VPS39: variants seen among roughly 807,000 people sequenced by gnomAD.
VPS39 encodes the protein VPS39 subunit of HOPS complex.
Under a neutral mutation model 121.0 loss-of-function variants are expected in VPS39, and 70 were observed. That is an observed-to-expected ratio of 0.58 (90% CI 0.48 to 0.71). VPS39 has a LOEUF of 0.71. Among genes scored for constraint, VPS39 ranks in the 30% least tolerant of loss-of-function variants. The probability of loss-of-function intolerance (pLI) is 0.00; values close to 1 mark genes in which losing one functional copy is unlikely to be tolerated. For synonymous variants in VPS39, 378 were observed against 398.1 expected, an observed-to-expected ratio of 0.95 and a Z score of 0.60; for missense variants, 818 against 1,051.5, an observed-to-expected ratio of 0.78 and a Z score of 3.07.
In VPS39 at chr15:42,184,849, G is replaced by A. The variant is rs563559091; in HGVS notation, c.535-149C>T. ...TGTTACAGAGTTTATTATAATAACC[G>A]TTGTTATCACAATGTAAAACCCGTT... On this transcript the variant is annotated intron_variant, in intron 7 of 24. Coordinates refer to ENST00000318006, the MANE Select transcript of VPS39 (RefSeq NM_015289.5). 144 of 796,644 alleles carry A rather than the reference G, an allele frequency of 1.8e-4. No homozygotes were observed. The African/African-American group carries it at 1.9e-3, about 11-fold the overall frequency. The allele number at this position is 796,644 out of a possible 1,614,324, so 49.3% of individuals were successfully genotyped here.
intron 1 of VPS39, among the ~76,000 whole-genome samples, chr15:42,204,635 G>T (rs1008424046): frequency 6.6e-6 from 1 of 152,034 alleles, no homozygotes; most frequent in Non-Finnish European, 1.5e-5. Context: ...GGGCGACAGA[G>T]CGAGACTCAG....
At position 42,162,020 on chromosome 15, in the gene VPS39, G is replaced by C. The variant is rs1454052247; in HGVS notation, c.2460+12C>G. ...AAAAGCCCACCCTAGAGTTTGGAAG[G>C]CCCATACCTACCCTCAGGAATTCTG... is the stretch of plus-strand genomic sequence containing the variant. On this transcript the variant is annotated intron_variant, in intron 23 of 24. Coordinates refer to ENST00000318006, the MANE Select transcript of VPS39 (RefSeq NM_015289.5). 62 of 1,613,998 alleles carry C rather than the reference G, an allele frequency of 3.8e-5. No homozygotes were observed. The East Asian group carries it at 1.4e-3, about 36-fold the overall frequency.
intron 8 of VPS39, among the ~76,000 whole-genome samples, chr15:42,182,433 G>A (rs2049599268): frequency 6.6e-6 from 1 of 152,160 alleles, no homozygotes; most frequent in Admixed American, 6.5e-5. Flanking sequence ...AGATGGTCTG[G>A]ATCTCTTTAT....
chr15:42,198,500 G>A (rs1285092953), intron 2 of VPS39, among the ~76,000 whole-genome samples: 1 of 152,120 alleles, frequency 6.6e-6, no homozygotes, highest in African/African-American at 2.4e-5. Context: ...ATAAGCACGT[G>A]CCACCACATC....
At position 42,187,155 on chromosome 15, in the gene VPS39, C is replaced by T; in HGVS notation, c.534+116G>A. 2.8e-6 allele frequency: 2 copies of T among 722,728 alleles called. 1 individual carries two copies. The highest frequency in any genetic ancestry group is 4.1e-5 in the South Asian group (2 of 48,478). The allele number at this position is 722,728 out of a possible 1,614,324, so 44.8% of individuals were successfully genotyped here. The stretch of plus-strand genomic sequence containing the variant: ...GAATGATAACTACACATACAAATAA[C>T]AAATCCTGTTATGCCAAAAGCTCTA... On this transcript the variant is annotated intron_variant, in intron 7 of 24. Coordinates refer to ENST00000318006, the MANE Select transcript of VPS39 (RefSeq NM_015289.5).
intron 22 of VPS39, 44 bp downstream of exon 22, chr15:42,162,288 G>C (rs770323301): frequency 2.5e-6 from 4 of 1,597,042 alleles, no homozygotes; most frequent in Non-Finnish European, 3.4e-6. Flanking sequence ...CTCATTCGGT[G>C]CTCCCTGCAA....
At chr15:42,175,170 T>G (rs988599219) in intron 10 of VPS39, among the ~76,000 whole-genome samples, 4 of 151,844 alleles carry the variant, frequency 2.6e-5, no homozygotes, top group Admixed American at 6.6e-5. Context: ...TCCCAGAACT[T>G]TGGGAGGCTG....
At chr15:42,163,179 A>C (rs1305863756) in intron 21 of VPS39, among the ~76,000 whole-genome samples, 171 bp downstream of exon 21, 1 of 152,196 alleles carries the variant, frequency 6.6e-6, no homozygotes, top group Non-Finnish European at 1.5e-5. Flanking sequence ...AACTACCCCA[A>C]GCACACCAGG....
In VPS39 at chr15:42,199,888, G is replaced by A; in HGVS notation, c.139+8C>T. On this transcript the variant is annotated splice_region_variant and intron_variant, in intron 2 of 24. Transcript: ENST00000318006. Reference sequence around the variant, plus strand: ...ACTTATTTTTTTGCATGAGCAATGTGCACTTACCAACGTCCTTCCGAATCC... The same window carrying A: ...ACTTATTTTTTTGCATGAGCAATGTACACTTACCAACGTCCTTCCGAATCC... 6.3e-7 allele frequency: 1 copy of A among 1,583,522 alleles called. No homozygotes were observed. Among genetic ancestry groups the A allele is most frequent in the South Asian group, 1.2e-5 (1 of 84,832 alleles).
intron 10 of VPS39, among the ~76,000 whole-genome samples, 159 bp downstream of exon 10, chr15:42,178,059 C>T (rs1459974460): frequency 6.6e-6 from 1 of 152,220 alleles, no homozygotes; most frequent in African/African-American, 2.4e-5. Context: ...CTTAGAGTTA[C>T]ATAGATATTT....
Position 42,199,919 on chromosome 15 carries a change from A to G in VPS39, c.116T>C (p.Leu39Pro). 1 of 1,596,694 alleles carries G rather than the reference A, an allele frequency of 6.3e-7. No individual in the cohort carries two copies. The highest frequency in any genetic ancestry group is 8.5e-7 in the Non-Finnish European group (1 of 1,174,680). The change falls in exon 2 of 25, where the codon CTC becomes CCC. Residue 39 changes from leucine to proline, a missense_variant. By Grantham distance (98) the Leu-to-Pro change is moderately conservative. Coordinates refer to ENST00000318006, the MANE Select transcript of VPS39 (RefSeq NM_015289.5). Reference sequence around the variant, plus strand: ...ACCAACGTCCTTCCGAATCCTATAGAGAAGAAGATGTCCTTGTTTGGTTCC... The same window carrying G: ...ACCAACGTCCTTCCGAATCCTATAGGGAAGAAGATGTCCTTGTTTGGTTCC... ...LVGTKQGHLLLYRIRKDVGCN... is the reference protein window; with the variant it reads ...LVGTKQGHLLPYRIRKDVGCN...
At chr15:42,163,951 C>T (rs145648662) in intron 19 of VPS39, among the ~76,000 whole-genome samples, 142 of 152,262 alleles carry the variant, frequency 9.3e-4, no homozygotes, top group Admixed American at 8.1e-3. Context: ...CACATATAAA[C>T]TGGGTAAGAA....
chr15:42,205,428 A>C (rs925436063), intron 1 of VPS39, among the ~76,000 whole-genome samples: 9 of 152,232 alleles, frequency 5.9e-5, no homozygotes, highest in African/African-American at 2.2e-4. Context: ...AACCATATAT[A>C]CAAAGGCAAG....
intron 9 of VPS39, 29 bp downstream of exon 9, chr15:42,178,421 C>T: frequency 6.2e-7 from 1 of 1,614,074 alleles, no homozygotes; most frequent in Non-Finnish European, 8.5e-7. Context: ...GGATAATATA[C>T]AGCCATAGCA....
In VPS39 at chr15:42,187,485, C is replaced by T. The variant is rs573087545; in HGVS notation, c.442-122G>A. On this transcript the variant is annotated intron_variant, in intron 6 of 24. Transcript: ENST00000318006. ...CTCACCCTCATCGGGCACAATTCTA[C>T]AGGCACAAGGCCAGGAAACTACCCT... The T allele has an allele frequency of 1.1e-5, 10 of 878,770 alleles. No homozygotes were observed. The East Asian group carries it at 1.6e-4, about 14-fold the overall frequency. 54.4% of individuals were successfully genotyped at this position (878,770 alleles called of 1,614,324 possible).
chr15:42,189,674 A>G (rs2049780070), intron 4 of VPS39, among the ~76,000 whole-genome samples: 2 of 131,658 alleles, frequency 1.5e-5, no homozygotes, highest in Non-Finnish European at 3.1e-5. Context: ...AGTTGCAGTG[A>G]GCCAGGGCTG....
intron 3 of VPS39, 106 bp from the exon 4 acceptor site, chr15:42,191,273 A>C: frequency 3.7e-6 from 5 of 1,355,532 alleles, no homozygotes; most frequent in Non-Finnish European, 5.2e-6. Flanking sequence ...CTATCCAGTT[A>C]CAGGGATCTC....
intron 24 of VPS39, chr15:42,161,362 A>G: frequency 2.3e-6 from 1 of 441,590 alleles, no homozygotes; most frequent in Non-Finnish European, 4.2e-6. Flanking sequence ...CCTTCACTGG[A>G]TCTTCCTTAT....
rs772989221 is a variant in VPS39 at position 42,184,537 on chromosome 15, G to A, written c.698C>T (p.Thr233Met). The change falls in exon 8 of 25, where the codon ACG (threonine) becomes ATG (methionine). Residue 233 changes from threonine to methionine, a missense_variant. Thr to Met is a moderately conservative substitution (Grantham distance 81). Transcript: ENST00000318006. ...ICTQKCALNWTDIPVAMEHQP... is the reference protein window; with the variant it reads ...ICTQKCALNWMDIPVAMEHQP... ...CTCACCCATGGCCACTGGTATGTCCGTCCAGTTCAGGGCACATTTCTGTGT... is the reference window on the plus strand; with the variant it reads ...CTCACCCATGGCCACTGGTATGTCCATCCAGTTCAGGGCACATTTCTGTGT... 9.3e-6 allele frequency: 15 copies of A among 1,610,784 alleles called. No homozygotes were observed. Among genetic ancestry groups the A allele is most frequent in the East Asian group, 2.2e-5 (1 of 44,728 alleles).
Sources: gnomAD v4.1 joint callset for allele counts (sites outside exome capture counted in the v4.1 genomes callset) on GRCh38, gnomAD v4.1.1 for gene constraint, MANE v1.5 for transcripts, NCBI Gene and HGNC (gene_info 2026-07-23, HGNC 2026-07-21) for gene names.